DEPDC1B: variants seen among roughly 807,000 people sequenced by gnomAD.
DEPDC1B encodes the protein DEP domain containing 1B, also known as DEP domain-containing protein 1B.
DEPDC1B carries 51 observed loss-of-function variants against 66.5 expected under a neutral mutation model. That is an observed-to-expected ratio of 0.77 (90% CI 0.61 to 0.97). The LOEUF (loss-of-function observed/expected upper bound fraction) is 0.97, where lower values mean the gene tolerates loss of function less well. DEPDC1B is among the 50% of genes least tolerant of loss of function. The pLI is 0.00. For missense variants in DEPDC1B, 552 were observed against 637.1 expected (o/e 0.87, Z 1.44); for synonymous variants, 226 against 223.6 (o/e 1.01, Z -0.10).
intron 2 of DEPDC1B, among the ~76,000 whole-genome samples, chr5:60,676,131 T>C (rs1379924409): frequency 6.6e-6 from 1 of 150,952 alleles, no homozygotes; most frequent in South Asian, 2.1e-4. Context: ...GGGATTTCAC[T>C]GTGTTAGCCA....
chr5:60,599,316 A>G (rs551925413), intron 9 of DEPDC1B, 56 bp from the exon 10 acceptor site: 1 of 1,393,630 alleles, frequency 7.2e-7, no homozygotes, highest in South Asian at 1.6e-5. Context: ...ATAAATTATA[A>G]GAATTAGTTT....
Position 60,700,086 on chromosome 5 carries a change from T to C in DEPDC1B, c.8A>G (p.His3Arg). ...GTACGGCCCGGGCCCCACGATGCGA[T>C]GCTCCATGGCGCGTAGGCAGCAGCG... MEHRIVGPGPYRA... is the reference protein window; with the variant it reads MERRIVGPGPYRA... Residue 3 changes from histidine (H) to arginine (R), a missense_variant, in exon 1 of 11, where the codon CAT (histidine) becomes CGT (arginine). His to Arg is a conservative substitution (Grantham distance 29, BLOSUM62 0). Coordinates refer to ENST00000265036, the MANE Select transcript of DEPDC1B (RefSeq NM_018369.3). The C allele has an allele frequency of 6.4e-7, 1 of 1,556,880 alleles. No individual in the cohort carries two copies. Among genetic ancestry groups the C allele is most frequent in the Non-Finnish European group, 8.7e-7 (1 of 1,152,786 alleles).
chr5:60,657,522 A>T (rs1753605830), intron 2 of DEPDC1B, among the ~76,000 whole-genome samples: 1 of 152,192 alleles, frequency 6.6e-6, no homozygotes, highest in South Asian at 2.1e-4. Context: ...TTTGTCTTTA[A>T]AAGACTGTAT....
intron 7 of DEPDC1B, among the ~76,000 whole-genome samples, chr5:60,608,696 T>A (rs1752357787): frequency 6.6e-6 from 1 of 151,956 alleles, no homozygotes; most frequent in Admixed American, 6.6e-5. Context: ...TTTGTGAGGA[T>A]GCTATTAAAC....
chr5:60,640,226 T>C (rs1284816834), intron 6 of DEPDC1B, among the ~76,000 whole-genome samples: 1 of 152,200 alleles, frequency 6.6e-6, no homozygotes, highest in Non-Finnish European at 1.5e-5. Flanking sequence ...CTCTGACATA[T>C]CCCAAGCTTA....
chr5:60,617,255 T>A (rs1752580425), intron 7 of DEPDC1B, among the ~76,000 whole-genome samples: 1 of 152,138 alleles, frequency 6.6e-6, no homozygotes, highest in Non-Finnish European at 1.5e-5. Context: ...CCAGCTAACA[T>A]CATAATGACA....
At position 60,605,729 on chromosome 5, in the gene DEPDC1B, C is replaced by T. The variant is rs922026559; in HGVS notation, c.1026G>A (p.Glu342=). The T allele has an allele frequency of 7.4e-6, 12 of 1,612,944 alleles. No individual in the cohort carries two copies. In the African/African-American group the frequency reaches 1.5e-4, roughly 20 times the overall value. ...RMMARICLNK[E]MPPLCDGFGT... is the part of the protein sequence containing the mutation. ...CAAAGCCATCACACAGGGGTGGCAT[C>T]TCTTTGTTTAAGCAAATCCTTGCCA... The change falls in exon 8 of 11, where the codon GAG becomes GAA. Residue 342 remains glutamate (E), a synonymous_variant. Transcript: ENST00000265036.
At chr5:60,633,608 T>C (rs1472077595) in intron 7 of DEPDC1B, among the ~76,000 whole-genome samples, 1 of 152,126 alleles carries the variant, frequency 6.6e-6, no homozygotes, top group Non-Finnish European at 1.5e-5. Flanking sequence ...CCCCTACCAA[T>C]AGCCTGCAGT....
At chr5:60,687,324 T>C in intron 1 of DEPDC1B, 97 bp from the exon 2 acceptor site, 2 of 1,362,598 alleles carry the variant, frequency 1.5e-6, no homozygotes, top group Non-Finnish European at 2.0e-6. Context: ...ATTTTTCCAC[T>C]TAAACTGCTT....
At chr5:60,623,115 ATC>A (rs1457820414) in intron 7 of DEPDC1B, among the ~76,000 whole-genome samples, 2 of 152,150 alleles carry the variant, frequency 1.3e-5, no homozygotes, top group African/African-American at 4.8e-5. Context: ...GTTTTTAGAT[ATC>A]TCTATTATAT....
chr5:60,597,942 T>TA (rs761496449), intron 10 of DEPDC1B, 28 bp from the exon 11 acceptor site: 7 of 1,533,112 alleles, frequency 4.6e-6, no homozygotes, highest in South Asian at 1.3e-5. Flanking sequence ...CCAAGAAGAG[T>TA]AAAAAAAGAC....
intron 6 of DEPDC1B, among the ~76,000 whole-genome samples, chr5:60,641,142 A>G (rs576132135): frequency 2.6e-4 from 39 of 152,288 alleles, no homozygotes; most frequent in Non-Finnish European, 4.6e-4. Context: ...CTCTCCACTG[A>G]TAAGAAATTC....
intron 5 of DEPDC1B, 114 bp downstream of exon 5, chr5:60,644,631 G>A (rs1383402757): frequency 2.1e-5 from 17 of 805,914 alleles, no homozygotes; most frequent in Admixed American, 3.3e-5. Context: ...AAGAATATAC[G>A]TAATGAAGGA....
chr5:60,657,689 G>T (rs896301863), intron 2 of DEPDC1B, among the ~76,000 whole-genome samples: 5 of 152,112 alleles, frequency 3.3e-5, no homozygotes, highest in African/African-American at 1.2e-4. Flanking sequence ...TCCTTTGTAG[G>T]TTACCTGGTG....
At chr5:60,629,556 T>G (rs999348296) in intron 7 of DEPDC1B, among the ~76,000 whole-genome samples, 1 of 152,182 alleles carries the variant, frequency 6.6e-6, no homozygotes, top group Non-Finnish European at 1.5e-5. Flanking sequence ...TAATTCCAAT[T>G]AGAGTGGAGA....
intron 1 of DEPDC1B, among the ~76,000 whole-genome samples, chr5:60,693,978 G>T (rs1206937898): frequency 6.6e-6 from 1 of 152,044 alleles, no homozygotes; most frequent in Non-Finnish European, 1.5e-5. Context: ...TGAAGGCATG[G>T]CTCTCTGGGA....
In DEPDC1B at chr5:60,656,150, T is replaced by C. The variant is rs963763527; in HGVS notation, c.315-8617A>G. Among the ~76,000 whole-genome samples, 3 of 144,922 alleles carry C rather than the reference T, an allele frequency of 2.1e-5. No individual in the cohort carries two copies. In the East Asian group the frequency reaches 5.9e-4, roughly 29 times the overall value. On this transcript the variant is annotated intron_variant, in intron 2 of 10. Coordinates refer to ENST00000265036, the MANE Select transcript of DEPDC1B (RefSeq NM_018369.3). The stretch of plus-strand genomic sequence containing the variant: ...TAAGTCCATTTGTCCTAAGGTATAG[T>C]TTAAGTCCATTTTTTTTTTTTTTTT...
intron 7 of DEPDC1B, among the ~76,000 whole-genome samples, chr5:60,618,111 C>T (rs532301157): frequency 2.0e-5 from 3 of 152,272 alleles, no homozygotes; most frequent in East Asian, 3.9e-4. Flanking sequence ...ACAAAACATA[C>T]CAGAATCTCT....
rs1208517181 is a variant in DEPDC1B at position 60,671,512 on chromosome 5, C to G, written c.314+15450G>C. On this transcript the variant is annotated intron_variant, in intron 2 of 10. Coordinates refer to ENST00000265036, the MANE Select transcript of DEPDC1B (RefSeq NM_018369.3). ...GACCTAAGACTCCTCTAACAGCATC[C>G]TTTGCTTGGGAACTCCCCATCAGCC... 2.0e-5 allele frequency among the ~76,000 whole-genome samples: 3 copies of G among 152,226 alleles called. No individual in the cohort carries two copies. The East Asian group carries it at 5.8e-4, about 29-fold the overall frequency.
Sources: allele counts gnomAD v4.1 joint callset (sites outside exome capture counted in the v4.1 genomes callset), GRCh38; gene constraint gnomAD v4.1.1; transcripts MANE v1.5; gene names NCBI Gene and HGNC (gene_info 2026-07-23, HGNC 2026-07-21).